CORO2B: variants seen among roughly 807,000 people sequenced by gnomAD.
The protein encoded by CORO2B is coronin 2B.
In CORO2B, 26 loss-of-function variants were observed where a neutral mutation model predicts 58.8. The observed-to-expected ratio is 0.44, with a 90% CI of 0.32 to 0.61. The LOEUF (loss-of-function observed/expected upper bound fraction) is 0.61, where lower values mean the gene tolerates loss of function less well. Among genes scored for constraint, CORO2B ranks in the 20% least tolerant of loss-of-function variants. The pLI is 0.04. For synonymous variants in CORO2B, 242 were observed against 253.8 expected, an observed-to-expected ratio of 0.95 and a Z score of 0.44; for missense variants, 460 against 645.1, an observed-to-expected ratio of 0.71 and a Z score of 3.11.
At chr15:68,719,348 C>A in intron 10 of CORO2B, 65 bp from the exon 11 acceptor site, 2 of 1,606,026 alleles carry the variant, frequency 1.2e-6, no homozygotes, top group Non-Finnish European at 1.7e-6. Flanking sequence ...CCCACCCAGC[C>A]TGCTGGACCA....
chr15:68,549,953 A>AAAATAAAT, the CORO2B span, among the ~76,000 whole-genome samples: 1,805 of 144,558 alleles, frequency 0.012, 18 homozygotes, highest in Admixed American at 0.016. Flanking sequence ...AAAATAAAAT[A>AAAATAAAT]AAATAAATAA....
chr15:68,564,359 G>A, the CORO2B span, among the ~76,000 whole-genome samples: 21 of 151,870 alleles, frequency 1.4e-4, no homozygotes, highest in African/African-American at 5.1e-4. Context: ...GCTGCAGTGG[G>A]GTAGAGTGAT....
At chr15:68,574,497 G>T (rs886621126), upstream of CORO2B, among the ~76,000 whole-genome samples, 1 of 152,170 alleles carries the variant, frequency 6.6e-6, no homozygotes, top group Non-Finnish European at 1.5e-5. Flanking sequence ...GTAGCACTCG[G>T]TACAGGGCCT....
chr15:68,658,431 G>T lies in CORO2B; in HGVS notation c.216+13071G>T, dbSNP rs1258719961. 2.0e-5 allele frequency among the ~76,000 whole-genome samples: 3 copies of T among 152,398 alleles called. No homozygotes were observed. The East Asian group carries it at 5.8e-4, about 29-fold the overall frequency. ...CCAGTGAGGGGCCAGTGGGGGTTGT[G>T]GTTGGGGCCTAGGCCAGATAACAAC... On this transcript the variant is annotated intron_variant, in intron 2 of 11. Transcript: ENST00000261861.
chr15:68,695,173 T>C lies in CORO2B; in HGVS notation c.250T>C (p.Cys84Arg), dbSNP rs1471650274. 1 of 1,613,948 alleles carries C rather than the reference T, an allele frequency of 6.2e-7. No individual in the cohort carries two copies. The highest frequency in any genetic ancestry group is 1.1e-5 in the South Asian group (1 of 91,072). The change falls in exon 3 of 12, where the codon TGC becomes CGC. Residue 84 changes from cysteine to arginine, a missense_variant. Coordinates refer to ENST00000261861, the MANE Select transcript of CORO2B (RefSeq NM_006091.5). ...GATTGAACCCAACTACCCCAAGGTC[T>C]GCGGCCACCAGGGCAATGTGCTGGA... ...GRIEPNYPKV[C>R]GHQGNVLDIK...
At chr15:68,724,911 T>C (rs1043422367) in intron 11 of CORO2B, among the ~76,000 whole-genome samples, 1 of 152,026 alleles carries the variant, frequency 6.6e-6, no homozygotes, top group African/African-American at 2.4e-5. Context: ...TAGAGAGTCA[T>C]TGGGGTGAAG....
intron 1 of CORO2B, among the ~76,000 whole-genome samples, chr15:68,582,094 G>A (rs559400227): frequency 5.9e-5 from 9 of 152,188 alleles, no homozygotes; most frequent in Non-Finnish European, 1.2e-4. Context: ...TCCATTTTCC[G>A]CCTCTCTTTC....
chr15:68,556,674 C>T, the CORO2B span, among the ~76,000 whole-genome samples: 15 of 152,320 alleles, frequency 9.8e-5, no homozygotes, highest in Non-Finnish European at 1.9e-4. Context: ...TTCTTTACTC[C>T]GCAGACAGTT....
At chr15:68,608,200 C>A (rs1167680578) in intron 1 of CORO2B, among the ~76,000 whole-genome samples, 1 of 152,266 alleles carries the variant, frequency 6.6e-6, no homozygotes, top group African/African-American at 2.4e-5. Context: ...AGCACGGCCA[C>A]TGCAGGCCCA....
chr15:68,569,695 G>A, the CORO2B span, among the ~76,000 whole-genome samples: 10 of 152,194 alleles, frequency 6.6e-5, no homozygotes, highest in Non-Finnish European at 7.3e-5. Context: ...AATAGGTTTC[G>A]TTTTGTAAGA....
At chr15:68,697,200 G>A (rs1453102641) in intron 3 of CORO2B, among the ~76,000 whole-genome samples, 1 of 151,918 alleles carries the variant, frequency 6.6e-6, no homozygotes, top group African/African-American at 2.4e-5. Context: ...TTGGATGGAT[G>A]GATGGATGGA....
At chr15:68,699,491 G>C (rs904035699) in intron 3 of CORO2B, among the ~76,000 whole-genome samples, 2 of 151,868 alleles carry the variant, frequency 1.3e-5, no homozygotes, top group Non-Finnish European at 2.9e-5. Context: ...GAAGGGACAC[G>C]GGCTTGGGGC....
chr15:68,650,281 T>G (rs34602648), intron 2 of CORO2B, among the ~76,000 whole-genome samples: 3,679 of 146,302 alleles, frequency 0.025, 77 homozygotes, highest in Non-Finnish European at 0.033. Context: ...GGCAGGAGAA[T>G]TGGAGGCGGA....
chr15:68,711,057 T>G (rs1306613835), intron 4 of CORO2B, among the ~76,000 whole-genome samples, 176 bp downstream of exon 4: 1 of 152,198 alleles, frequency 6.6e-6, no homozygotes, highest in Non-Finnish European at 1.5e-5. Flanking sequence ...CTGTGCACCC[T>G]GTCATTCCTG....
At chr15:68,654,906 C>T (rs4777078) in intron 2 of CORO2B, among the ~76,000 whole-genome samples, 46,447 of 152,080 alleles carry the variant, frequency 0.31, 7,289 homozygotes, top group East Asian at 0.45. Flanking sequence ...CTGAGTATGC[C>T]TAGCAGTGAG....
chr15:68,721,201 TAAAAA>T (rs1893151487), intron 11 of CORO2B, among the ~76,000 whole-genome samples: 2 of 151,878 alleles, frequency 1.3e-5, no homozygotes, highest in Non-Finnish European at 2.9e-5. Flanking sequence ...CTATTATTAA[TAAAAA>T]TAAGACCCTT....
chr15:68,537,372 T>C, the CORO2B span, among the ~76,000 whole-genome samples: 2 of 152,166 alleles, frequency 1.3e-5, no homozygotes, highest in Non-Finnish European at 2.9e-5. Flanking sequence ...TACTAGGCAA[T>C]AGCATGGGCA....
chr15:68,701,297 G>GTTTTTTTT (rs1892637128), intron 3 of CORO2B, among the ~76,000 whole-genome samples: 2 of 151,570 alleles, frequency 1.3e-5, no homozygotes, highest in East Asian at 3.9e-4. Context: ...TCTAGGACTA[G>GTTTTTTTT]TTTCTTTTTT....
intron 1 of CORO2B, among the ~76,000 whole-genome samples, chr15:68,579,683 C>A (rs1899377121): frequency 6.6e-6 from 1 of 152,178 alleles, no homozygotes; most frequent in African/African-American, 2.4e-5. Flanking sequence ...GGGCCTGCCG[C>A]CCCGAGGAGG....
Sources: allele counts gnomAD v4.1 joint callset (sites outside exome capture counted in the v4.1 genomes callset), GRCh38; gene constraint gnomAD v4.1.1; transcripts MANE v1.5; gene names NCBI Gene and HGNC (gene_info 2026-07-23, HGNC 2026-07-21).